The following TAF6 variants were observed in gnomAD, a reference collection of about 807,000 sequenced individuals.
TAF6 encodes transcription initiation factor TFIID subunit 6.
TAF6 carries 50 observed loss-of-function variants against 73.5 expected under a neutral mutation model. The observed-to-expected ratio is 0.68, with a 90% confidence interval of 0.54 to 0.86. The LOEUF is 0.86. TAF6 is among the 40% of genes least tolerant of loss of function. The pLI is 0.00. For synonymous variants in TAF6, 424 were observed against 376.7 expected (o/e 1.13, Z -1.45); for missense variants, 768 against 899.5 (o/e 0.85, Z 1.87).
chr7:100,110,383 G>A, intron 10 of TAF6, 109 bp from the exon 11 acceptor site: 2 of 1,255,142 alleles, frequency 1.6e-6, no homozygotes, highest in Non-Finnish European at 2.3e-6. Flanking sequence ...ACATTACAAT[G>A]AGGCCAGACG....
chr7:100,123,035 C>T (rs1584588462), upstream of TAF6: 2 of 1,072,918 alleles, frequency 1.9e-6, no homozygotes, highest in East Asian at 5.2e-5. Context: ...AGGACTGTGC[C>T]ATTGATTAAA....
In TAF6 at chr7:100,113,712, C is replaced by T. The variant is rs1376884128; in HGVS notation, c.301G>A (p.Gly101Ser). 2 of 1,613,974 alleles carry T rather than the reference C, an allele frequency of 1.2e-6. No homozygotes were observed. The highest frequency in any genetic ancestry group is 3.3e-5 in the Admixed American group (2 of 59,988). The stretch of plus-strand genomic sequence containing the variant: ...TCCTCATAGAAGTAAAGCTCCCGGC[C>T]CCCACCAGAGGCGAAGCGGAAAGGA... ...FIPFRFASGGGRELYFYEEKE... is the reference protein window; with the variant it reads ...FIPFRFASGGSRELYFYEEKE... Residue 101 changes from glycine (G) to serine (S), a missense_variant, in exon 4 of 15, where the codon GGC (glycine) becomes AGC (serine). By Grantham distance (56) the Gly-to-Ser change is moderately conservative (BLOSUM62 0). Around this residue, in one of 5 missense-constraint regions of TAF6, gnomAD observed 269 missense variants for 268.0 expected, o/e 1.00. Coordinates refer to ENST00000453269, the MANE Select transcript of TAF6 (RefSeq NM_139315.3).
intron 12 of TAF6, 135 bp downstream of exon 12, chr7:100,109,811 TAA>T (rs1796997551): frequency 7.5e-7 from 1 of 1,341,628 alleles, no homozygotes; most frequent in East Asian, 2.4e-5. Flanking sequence ...TTTCCATCTG[TAA>T]AATAGTATCA....
intron 13 of TAF6, 83 bp from the exon 14 acceptor site, chr7:100,108,206 T>C (rs1449628702): frequency 4.1e-6 from 6 of 1,476,156 alleles, no homozygotes; most frequent in African/African-American, 2.8e-5. Flanking sequence ...CTCCCCTCGC[T>C]CTTCCTCAGT....
chr7:100,117,878 T>TA (rs936639244), intron 1 of TAF6, among the ~76,000 whole-genome samples: 1 of 150,880 alleles, frequency 6.6e-6, no homozygotes, highest in African/African-American at 2.4e-5. Context: ...TCGTCTCTAC[T>TA]AAAAAATAGA....
chr7:100,123,310 C>T (rs2116900130), upstream of TAF6, among the ~76,000 whole-genome samples: 1 of 151,730 alleles, frequency 6.6e-6, no homozygotes, highest in South Asian at 2.1e-4. Flanking sequence ...CCATTGCACT[C>T]CAGCCAGGGC....
the TAF6 span, among the ~76,000 whole-genome samples, chr7:100,126,245 GAC>G: frequency 6.6e-6 from 1 of 152,214 alleles, no homozygotes. Flanking sequence ...GGGAGGCTGA[GAC>G]AGGAGAATCG....
intron 1 of TAF6, 83 bp from the exon 2 acceptor site, chr7:100,114,351 GGGGA>G: frequency 7.4e-7 from 1 of 1,351,908 alleles, no homozygotes. Context: ...AGTGGAGACA[GGGGA>G]GGAACTCCGA....
upstream of TAF6, chr7:100,122,672 A>G: frequency 6.6e-7 from 1 of 1,513,980 alleles, no homozygotes. Context: ...TCATCTCACC[A>G]TCATGGAACT....
chr7:100,113,904 A>C lies in TAF6; in HGVS notation c.207T>G (p.Ser69Arg). 6.2e-7 allele frequency: 1 copy of C among 1,613,184 alleles called. No homozygotes were observed. Among genetic ancestry groups the C allele is most frequent in the South Asian group, 1.1e-5 (1 of 91,062 alleles). The change falls in exon 3 of 15, where the codon AGT becomes AGG. Residue 69 changes from serine to arginine, a missense_variant. By Grantham distance (110) the Ser-to-Arg change is moderately radical. Around this residue, in one of 5 missense-constraint regions of TAF6, gnomAD observed 269 missense variants for 268.0 expected, o/e 1.00. Coordinates refer to ENST00000453269, the MANE Select transcript of TAF6 (RefSeq NM_139315.3). ...TTAGCTTCAAGGCGTAGTCAATGTC[A>C]CTGGTGGTGAGCTTCTGCCGCTTCC... ...HMGKRQKLTTSDIDYALKLKN... is the reference protein window; with the variant it reads ...HMGKRQKLTTRDIDYALKLKN...
At chr7:100,111,642 G>A (rs759146284) in intron 9 of TAF6, 86 bp downstream of exon 9, 3 of 1,404,624 alleles carry the variant, frequency 2.1e-6, no homozygotes, top group Non-Finnish European at 3.0e-6. Context: ...GGGATTTCAG[G>A]TGTGAGCCAC....
At chr7:100,123,069 C>T (rs780443492), upstream of TAF6, among the ~76,000 whole-genome samples, 9 of 152,014 alleles carry the variant, frequency 5.9e-5, no homozygotes, top group Non-Finnish European at 7.4e-5. Flanking sequence ...CGGTGGGGTG[C>T]GGTGGCTCAC....
chr7:100,111,686 G>A (rs1455366099), intron 9 of TAF6, 42 bp downstream of exon 9: 1 of 1,595,184 alleles, frequency 6.3e-7, no homozygotes, highest in Non-Finnish European at 8.6e-7. Context: ...GTGGCAGCAG[G>A]GTCCCTAGTC....
chr7:100,125,058 TG>T, the TAF6 span: 28,978 of 697,754 alleles, frequency 0.042, 634 homozygotes, highest in Middle Eastern at 0.057. Flanking sequence ...CAGCATGACA[TG>T]GCTTCTGGGG....
rs201125133 is a variant in TAF6 at position 100,108,101 on chromosome 7, G to A, written c.1481C>T (p.Ser494Leu). ...ITQPRPTLTL[S>L]QAPQPGPRTP... The stretch of plus-strand genomic sequence containing the variant: ...GCGAGGGCCAGGCTGTGGGGCCTGC[G>A]AGAGGGTCAGCGTGGGCCGGGGCTG... Residue 494 changes from serine (S) to leucine (L), a missense_variant, in exon 14 of 15, where the codon TCG (serine) becomes TTG (leucine). This residue lies in a region of TAF6 where 350 missense variants were observed against 352.3 expected (regional missense o/e 0.99). Coordinates refer to ENST00000453269, the MANE Select transcript of TAF6 (RefSeq NM_139315.3). The A allele has an allele frequency of 9.3e-6, 15 of 1,606,692 alleles. No individual in the cohort carries two copies. Among genetic ancestry groups the A allele is most frequent in the Admixed American group, 5.1e-5 (3 of 58,380 alleles).
rs779864652 is a variant in TAF6, at chr7:100,107,974, G to C, written c.1608C>G (p.Thr536=). The change falls in exon 14 of 15, where the codon ACC becomes ACG. Residue 536 remains threonine, a synonymous_variant. Coordinates refer to ENST00000453269, the MANE Select transcript of TAF6 (RefSeq NM_139315.3). Reference sequence around the variant, plus strand: ...AGGACGATGACATTACAATAAACTTGGTTGGAGGAGGGGAAGGCTGTGGTG... The same window carrying C: ...AGGACGATGACATTACAATAAACTTCGTTGGAGGAGGGGAAGGCTGTGGTG... ...AAPPQPSPPP[T]KFIVMSSSSS... is the part of the protein sequence containing the mutation. 9 of 1,614,048 alleles carry C rather than the reference G, an allele frequency of 5.6e-6. No homozygotes were observed. The East Asian group carries it at 2.0e-4, about 36-fold the overall frequency.
chr7:100,122,650 G>A, upstream of TAF6: 1 of 1,513,456 alleles, frequency 6.6e-7, no homozygotes, highest in Non-Finnish European at 9.0e-7. Context: ...CCCTCCAGAG[G>A]TTATCTGCCC....
intron 8 of TAF6, 28 bp downstream of exon 8, chr7:100,111,894 C>T (rs1296735669): frequency 5.6e-6 from 9 of 1,613,934 alleles, no homozygotes; most frequent in South Asian, 4.4e-5. Flanking sequence ...CACTGCCGTC[C>T]CTGCACTGTG....
rs1294494973 is a variant in TAF6 at position 100,114,116 on chromosome 7, G to C, written c.94C>G (p.Gln32Glu). 8 of 1,614,122 alleles carry C rather than the reference G, an allele frequency of 5.0e-6. No individual in the cohort carries two copies. In the Admixed American group the frequency reaches 1.0e-4, roughly 20 times the overall value. Residue 32 changes from glutamine to glutamate, a missense_variant, in exon 2 of 15, where the codon CAG (glutamine) becomes GAG (glutamate). By Grantham distance (29) the Gln-to-Glu change is conservative. Around this residue, in one of 5 missense-constraint regions of TAF6, gnomAD observed 269 missense variants for 268.0 expected, o/e 1.00. Transcript: ENST00000453269. ...VAESMGIAQI[Q>E]EETCQLLTDE... ...GTTAGCAGCTGGCAGGTCTCCTCCTGAATCTGGGCGATGCCCATGGATTCA... is the reference window on the plus strand; with the variant it reads ...GTTAGCAGCTGGCAGGTCTCCTCCTCAATCTGGGCGATGCCCATGGATTCA...
Sources: allele counts gnomAD v4.1 joint callset (sites outside exome capture counted in the v4.1 genomes callset), GRCh38; gene constraint gnomAD v4.1.1; regional missense constraint gnomAD v4.1.1; transcripts MANE v1.5; gene names NCBI Gene and HGNC (gene_info 2026-07-23, HGNC 2026-07-21).